The following PCDHGB1 variants were observed in gnomAD, a reference collection of about 807,000 sequenced individuals.
PCDHGB1 encodes the protein protocadherin gamma-B1.
Under a neutral mutation model 56.6 loss-of-function variants are expected in PCDHGB1, and 34 were observed. The ratio of observed to expected loss-of-function variants is 0.60; its 90% CI spans 0.46 to 0.80. The LOEUF is 0.80. Ranked by LOEUF, PCDHGB1 falls within the 30% of genes least tolerant of loss-of-function variation. The pLI is 0.00. For synonymous variants in PCDHGB1, 561 were observed against 505.9 expected (o/e 1.11, Z -1.46); for missense variants, 1,278 against 1,204.6 (o/e 1.06, Z -0.90).
chr5:141,471,658 G>T (rs1354815239), intron 1 of PCDHGB1: 1 of 152,106 alleles, frequency 6.6e-6, no homozygotes, highest in Admixed American at 6.5e-5. Flanking sequence ...ATGTGGGGAT[G>T]CAGAAAAAAA....
intron 1 of PCDHGB1, chr5:141,364,204 A>C (rs1763216193): frequency 1.7e-6 from 2 of 1,155,836 alleles, no homozygotes; most frequent in East Asian, 5.3e-5. Flanking sequence ...CAGACCAGAC[A>C]AGCTCCTACG....
At chr5:141,496,262 C>G (rs934511905) in intron 2 of PCDHGB1, among the ~76,000 whole-genome samples, 3 of 152,158 alleles carry the variant, frequency 2.0e-5, no homozygotes, top group African/African-American at 7.2e-5. Flanking sequence ...GAAACTTCAG[C>G]AGAAAGACCT....
chr5:141,450,991 A>AT (rs1351194705), intron 1 of PCDHGB1, among the ~76,000 whole-genome samples: 1 of 150,700 alleles, frequency 6.6e-6, no homozygotes. Context: ...CACCCGGCTA[A>AT]TTTTTTTGTA....
intron 1 of PCDHGB1, among the ~76,000 whole-genome samples, chr5:141,467,814 A>G (rs2099152300): frequency 6.6e-6 from 1 of 151,978 alleles, no homozygotes; most frequent in Non-Finnish European, 1.5e-5. Flanking sequence ...ACATGCCACC[A>G]CACCAGGCTG....
At chr5:141,394,851 C>T in intron 1 of PCDHGB1, 1 of 1,613,824 alleles carries the variant, frequency 6.2e-7, no homozygotes, top group Non-Finnish European at 8.5e-7. Context: ...CAGTCTGAAG[C>T]CTTCGGTCGA....
rs2099627530 is a variant in PCDHGB1, at chr5:141,486,292, T to C, written c.2410-8515T>C. On this transcript the variant is annotated intron_variant, in intron 1 of 3. Transcript: ENST00000523390. This position sits in a 1 kb window ranked among gnomAD's most constrained non-coding sequence, Gnocchi z 5.0. ...CTGGCACTGTGGTGGCACTTATCAGTGTGCAGGATCCAGACTCAGGGTCAA... is the reference window on the plus strand; with the variant it reads ...CTGGCACTGTGGTGGCACTTATCAGCGTGCAGGATCCAGACTCAGGGTCAA... 5 of 1,613,970 alleles carry C rather than the reference T, an allele frequency of 3.1e-6. No individual in the cohort carries two copies. The highest frequency in any genetic ancestry group is 4.2e-6 in the Non-Finnish European group (5 of 1,179,982).
At chr5:141,412,987 A>T (rs192699644) in intron 1 of PCDHGB1, 1 of 564,522 alleles carries the variant, frequency 1.8e-6, no homozygotes, top group African/African-American at 1.9e-5. Flanking sequence ...GCCAGAGCTC[A>T]ATCCGGATTC....
chr5:141,433,906 A>G (rs1218318743), intron 1 of PCDHGB1, among the ~76,000 whole-genome samples: 1 of 151,412 alleles, frequency 6.6e-6, no homozygotes, highest in Non-Finnish European at 1.5e-5. Flanking sequence ...ATCACTTATT[A>G]CAATCACCTC....
chr5:141,381,197 G>A (rs775518407), intron 1 of PCDHGB1, among the ~76,000 whole-genome samples: 1 of 152,232 alleles, frequency 6.6e-6, no homozygotes, highest in African/African-American at 2.4e-5. Context: ...CTTTCTTAGT[G>A]TTAGTTCTGG....
At chr5:141,508,267 C>G (rs993402135) in intron 3 of PCDHGB1, 5 of 152,336 alleles carry the variant, frequency 3.3e-5, no homozygotes, top group African/African-American at 9.6e-5. Context: ...AAGAGAAAAT[C>G]CCGGTCCTTG....
At position 141,473,299 on chromosome 5, in the gene PCDHGB1, G is replaced by A. The variant is rs182316672; in HGVS notation, c.2410-21508G>A. The stretch of plus-strand genomic sequence containing the variant: ...TATTTTACTATGTCAGTAGCATAAA[G>A]ATTGCTATATTAATAAGCATTAAGT... On this transcript the variant is annotated intron_variant, in intron 1 of 3. Coordinates refer to ENST00000523390, the MANE Select transcript of PCDHGB1 (RefSeq NM_018922.3). 5.6e-4 allele frequency among the ~76,000 whole-genome samples: 86 copies of A among 152,346 alleles called. 1 individual carries two copies. The highest frequency in any genetic ancestry group is 1.9e-3 in the African/African-American group (81 of 41,572).
At position 141,485,379 on chromosome 5, in the gene PCDHGB1, A is replaced by G. The variant is rs749607481; in HGVS notation, c.2410-9428A>G. 12 of 1,613,934 alleles carry G rather than the reference A, an allele frequency of 7.4e-6. No homozygotes were observed. In the Admixed American group the frequency reaches 1.8e-4, roughly 25 times the overall value. The stretch of plus-strand genomic sequence containing the variant: ...GCTCGCAGGCTGCAGGTCGCTGGAG[A>G]GGTGAACCAAAGACACTTCCGTGTG... On this transcript the variant is annotated intron_variant, in intron 1 of 3. Coordinates refer to ENST00000523390, the MANE Select transcript of PCDHGB1 (RefSeq NM_018922.3). This position sits in a 1 kb window ranked among gnomAD's most constrained non-coding sequence, Gnocchi z 5.7.
intron 1 of PCDHGB1, chr5:141,421,414 C>A (rs2096570568): frequency 1.9e-6 from 3 of 1,614,066 alleles, no homozygotes; most frequent in South Asian, 2.2e-5. Flanking sequence ...GCTGGCGAAG[C>A]GCGGAGTCCG....
intron 1 of PCDHGB1, among the ~76,000 whole-genome samples, chr5:141,373,486 G>A (rs1769628161): frequency 1.3e-5 from 2 of 152,192 alleles, no homozygotes; most frequent in Non-Finnish European, 2.9e-5. Flanking sequence ...TTGTGCCCCT[G>A]CACTCTAGCC....
intron 1 of PCDHGB1, chr5:141,413,290 A>T: frequency 6.2e-7 from 1 of 1,613,924 alleles, no homozygotes; most frequent in Non-Finnish European, 8.5e-7. Context: ...CTCCTACTCA[A>T]TTCCTGAGGA....
Position 141,489,515 on chromosome 5 carries a change from G to C in PCDHGB1, c.2410-5292G>C, listed in dbSNP as rs983415025. On this transcript the variant is annotated intron_variant, in intron 1 of 3. Coordinates refer to ENST00000523390, the MANE Select transcript of PCDHGB1 (RefSeq NM_018922.3). The surrounding 1 kb of genome is among the most constrained non-coding windows in gnomAD (Gnocchi z 4.5). ...CTGGCAGTGAATCAAAAGATTGACC[G>C]AGAAAGCCTATGTGGAGCCAGCACC... 1 of 1,614,104 alleles carries C rather than the reference G, an allele frequency of 6.2e-7. No individual in the cohort carries two copies. The highest frequency in any genetic ancestry group is 8.5e-7 in the Non-Finnish European group (1 of 1,180,034).
rs200568923 is a variant in PCDHGB1 at position 141,413,794 on chromosome 5, G to A, written c.2409+61125G>A. On this transcript the variant is annotated intron_variant, in intron 1 of 3. Coordinates refer to ENST00000523390, the MANE Select transcript of PCDHGB1 (RefSeq NM_018922.3). The stretch of plus-strand genomic sequence containing the variant: ...GGTACTGGAGCACTCCCTAGATCGC[G>A]AGGAAGAGGCCATTCACCACCTGGT... 6.7e-5 allele frequency: 108 copies of A among 1,613,050 alleles called. No individual in the cohort carries two copies. Among genetic ancestry groups the A allele is most frequent in the Admixed American group, 8.3e-5 (5 of 59,990 alleles).
In PCDHGB1 at chr5:141,413,469, G is replaced by A. The variant is rs766765319; in HGVS notation, c.2409+60800G>A. 5 of 1,614,012 alleles carry A rather than the reference G, an allele frequency of 3.1e-6. No individual in the cohort carries two copies. The African/African-American group carries it at 5.3e-5, about 17-fold the overall frequency. On this transcript the variant is annotated intron_variant, in intron 1 of 3. Transcript: ENST00000523390. ...CCGCGGGCAGGATAGACCGGGAGGA[G>A]CTCTGCGCTCAGAGCGCGCGGTGCG...
chr5:141,355,624 G>A, intron 1 of PCDHGB1: 3 of 1,614,002 alleles, frequency 1.9e-6, no homozygotes, highest in South Asian at 2.2e-5. Flanking sequence ...GGAAATAAAA[G>A]TTGCTGAAAA....
Sources: allele counts gnomAD v4.1 joint callset (sites outside exome capture counted in the v4.1 genomes callset), GRCh38; gene constraint gnomAD v4.1.1; non-coding constraint Gnocchi (gnomAD v3.1); transcripts MANE v1.5; gene names NCBI Gene and HGNC (gene_info 2026-07-23, HGNC 2026-07-21).